The following PKIA variants were observed in gnomAD, a reference collection of about 807,000 sequenced individuals.
PKIA encodes PKI-alpha.
Under a neutral mutation model 7.6 loss-of-function variants are expected in PKIA, and 4 were observed. The ratio of observed to expected loss-of-function variants is 0.52; its 90% CI spans 0.26 to 1.20. The LOEUF (loss-of-function observed/expected upper bound fraction) is 1.20, where lower values mean the gene tolerates loss of function less well. PKIA is among the 50% of genes most tolerant of loss of function. The pLI is 0.13. For missense variants in PKIA, 73 were observed against 86.2 expected (o/e 0.85, Z 0.61); for synonymous variants, 21 against 30.7 (o/e 0.68, Z 1.04).
chr8:78,584,513 T>A (rs78302850), intron 2 of PKIA, among the ~76,000 whole-genome samples: 5,006 of 152,166 alleles, frequency 0.033, 120 homozygotes, highest in Middle Eastern at 0.051. Flanking sequence ...AGAAGTGACA[T>A]GCAATGATGA....
At chr8:78,559,601 C>T (rs1458327422) in intron 1 of PKIA, among the ~76,000 whole-genome samples, 2 of 152,152 alleles carry the variant, frequency 1.3e-5, no homozygotes, top group Non-Finnish European at 1.5e-5. Context: ...ATCTCAAGTT[C>T]TCTTTCAAAT....
chr8:78,566,128 A>G (rs559291043), intron 1 of PKIA, among the ~76,000 whole-genome samples: 85 of 152,226 alleles, frequency 5.6e-4, no homozygotes, highest in African/African-American at 1.9e-3. Flanking sequence ...TTTGAGAAAC[A>G]CAAAGGAAAC....
At chr8:78,543,166 A>G (rs1806738855) in intron 1 of PKIA, among the ~76,000 whole-genome samples, 1 of 152,188 alleles carries the variant, frequency 6.6e-6, no homozygotes, top group Non-Finnish European at 1.5e-5. Context: ...CTGGTTCCAG[A>G]TATTTTAAGA....
intron 1 of PKIA, among the ~76,000 whole-genome samples, chr8:78,556,037 C>T (rs1807125074): frequency 6.6e-6 from 1 of 152,016 alleles, no homozygotes; most frequent in Admixed American, 6.6e-5. Context: ...TGATAGAAAG[C>T]ACAGTTTGTT....
At position 78,557,589 on chromosome 8, in the gene PKIA, T is replaced by C. The variant is rs117532125; in HGVS notation, c.-156-15222T>C. Among the ~76,000 whole-genome samples the C allele has an allele frequency of 5.3e-5, 8 of 152,272 alleles. No homozygotes were observed. In the East Asian group the frequency reaches 1.5e-3, roughly 29 times the overall value. Reference sequence around the variant, plus strand: ...AAAGAGAAAGGAAATGGCTGAAAGATTAATTACTTGGCTGTCAGCTGCTAG... The same window carrying C: ...AAAGAGAAAGGAAATGGCTGAAAGACTAATTACTTGGCTGTCAGCTGCTAG... On this transcript the variant is annotated intron_variant, in intron 1 of 3. Transcript: ENST00000396418.
At chr8:78,589,091 C>G (rs1808029763) in intron 2 of PKIA, among the ~76,000 whole-genome samples, 1 of 151,994 alleles carries the variant, frequency 6.6e-6, no homozygotes, top group South Asian at 2.1e-4. Context: ...GAATCAAGAG[C>G]ACCAGTCAGG....
chr8:78,540,049 C>T (rs13253248), intron 1 of PKIA, among the ~76,000 whole-genome samples: 30,543 of 150,352 alleles, frequency 0.2, 3,596 homozygotes, highest in African/African-American at 0.34. Flanking sequence ...TCATTTTCTT[C>T]TTACAATTAC....
intron 2 of PKIA, among the ~76,000 whole-genome samples, chr8:78,576,705 A>G (rs530824388): frequency 1.3e-5 from 2 of 152,174 alleles, no homozygotes; most frequent in African/African-American, 4.8e-5. Flanking sequence ...TGGTTAGGCA[A>G]TGGACCTCTA....
chr8:78,539,588 G>A (rs1454044269), intron 1 of PKIA, among the ~76,000 whole-genome samples: 1 of 151,740 alleles, frequency 6.6e-6, no homozygotes, highest in Non-Finnish European at 1.5e-5. Flanking sequence ...ATTCACAGCA[G>A]TAAACTATAA....
chr8:78,536,974 T>G (rs1401822162), intron 1 of PKIA, among the ~76,000 whole-genome samples: 1 of 151,812 alleles, frequency 6.6e-6, no homozygotes, highest in Non-Finnish European at 1.5e-5. Flanking sequence ...ATAATGCTTC[T>G]GAGTCTACAA....
chr8:78,542,904 G>A (rs1806731832), intron 1 of PKIA, among the ~76,000 whole-genome samples: 1 of 152,014 alleles, frequency 6.6e-6, no homozygotes, highest in African/African-American at 2.4e-5. Context: ...TTCCTTCAGG[G>A]GAAGGCTGTC....
intron 1 of PKIA, among the ~76,000 whole-genome samples, chr8:78,542,672 A>T (rs1481932251): frequency 6.6e-6 from 1 of 152,002 alleles, no homozygotes; most frequent in African/African-American, 2.4e-5. Flanking sequence ...CCTATTAAAT[A>T]GTGACAATTT....
intron 1 of PKIA, among the ~76,000 whole-genome samples, chr8:78,532,599 C>T (rs1229433373): frequency 6.6e-6 from 1 of 151,786 alleles, no homozygotes; most frequent in Non-Finnish European, 1.5e-5. Flanking sequence ...CATCGGGTCA[C>T]TGTGTATTTA....
At chr8:78,595,986 G>A (rs959147761) in intron 2 of PKIA, among the ~76,000 whole-genome samples, 1 of 152,142 alleles carries the variant, frequency 6.6e-6, no homozygotes, top group Admixed American at 6.5e-5. Context: ...ATTCCCATCA[G>A]TAGTGTAAAA....
chr8:78,536,392 A>C (rs1009116189), intron 1 of PKIA, among the ~76,000 whole-genome samples: 4 of 152,110 alleles, frequency 2.6e-5, no homozygotes, highest in Non-Finnish European at 5.9e-5. Flanking sequence ...TATGAAAATA[A>C]AGGAAAACCA....
chr8:78,599,849 A>G (rs1455003963), intron 3 of PKIA, among the ~76,000 whole-genome samples: 7 of 151,700 alleles, frequency 4.6e-5, no homozygotes, highest in Non-Finnish European at 7.4e-5. Flanking sequence ...TATTCATAGT[A>G]CAATTTAATT....
intron 1 of PKIA, among the ~76,000 whole-genome samples, chr8:78,548,228 C>G (rs1222464007): frequency 6.6e-6 from 1 of 152,060 alleles, no homozygotes; most frequent in African/African-American, 2.4e-5. Context: ...GAGATTCTCT[C>G]TTTAGCAGAA....
intron 1 of PKIA, among the ~76,000 whole-genome samples, chr8:78,548,464 A>G (rs1210792006): frequency 6.6e-6 from 1 of 152,140 alleles, no homozygotes; most frequent in East Asian, 1.9e-4. Flanking sequence ...TTGCATACCT[A>G]GCTCTTAAAC....
At chr8:78,517,134 T>C (rs925849529) in intron 1 of PKIA, among the ~76,000 whole-genome samples, 1 of 152,212 alleles carries the variant, frequency 6.6e-6, no homozygotes, top group African/African-American at 2.4e-5. Context: ...TCGTCAGCTC[T>C]TATCCACCAC....
Sources: allele counts gnomAD v4.1 joint callset (sites outside exome capture counted in the v4.1 genomes callset), GRCh38; gene constraint gnomAD v4.1.1; transcripts MANE v1.5; gene names NCBI Gene and HGNC (gene_info 2026-07-23, HGNC 2026-07-21).